Variants in C1QTNF9B observed in about 807,000 individuals in gnomAD.
C1QTNF9B encodes the protein complement C1q and tumor necrosis factor-related protein 9B.
Under a neutral mutation model 10.1 loss-of-function variants are expected in C1QTNF9B, and 9 were observed. That is an observed-to-expected ratio of 0.89 (90% CI 0.53 to 1.55). C1QTNF9B has a LOEUF of 1.55. Among genes scored for constraint, C1QTNF9B ranks in the 40% most tolerant of loss-of-function variants. The probability of loss-of-function intolerance (pLI) is 0.00; values close to 1 mark genes in which losing one functional copy is unlikely to be tolerated. For missense variants in C1QTNF9B, 196 were observed against 414.4 expected, an observed-to-expected ratio of 0.47 and a Z score of 4.58; for synonymous variants, 79 against 159.9, an observed-to-expected ratio of 0.49 and a Z score of 3.82.
At position 23,896,844 on chromosome 13, in the gene C1QTNF9B, G is replaced by T. The variant is rs144799910; in HGVS notation, c.143C>A (p.Ala48Glu). The change falls in exon 1 of 3, where the codon GCG becomes GAG. Residue 48 changes from alanine to glutamate, a missense_variant. This residue lies in a region of C1QTNF9B where 46 missense variants were observed against 64.5 expected (regional missense o/e 0.71). Coordinates refer to ENST00000382137, the Ensembl canonical transcript of C1QTNF9B. The stretch of plus-strand genomic sequence containing the variant: ...ACCTGCATCGCCTTTGTCACCCTTC[G>T]CTCCGTCTCGTCCATCTCTTCCAGG... 1.1e-4 allele frequency: 183 copies of T among 1,613,016 alleles called. No homozygotes were observed. The highest frequency in any genetic ancestry group is 1.5e-4 in the Non-Finnish European group (181 of 1,179,386).
At chr13:23,896,836 C>T (rs760422617) in exon 1 of C1QTNF9B, 1 of 1,612,760 alleles carries the variant, frequency 6.2e-7, no homozygotes, top group Non-Finnish European at 8.5e-7. Context: ...TCGCCTTTGT[C>T]ACCCTTCGCT....
At chr13:23,894,225 G>A (rs760859703) in intron 1 of C1QTNF9B, 24 bp from the exon 4 acceptor site, 1 of 1,464,612 alleles carries the variant, frequency 6.8e-7, no homozygotes, top group South Asian at 1.1e-5. Context: ...CAGAAAACAG[G>A]CATGAGTTGA....
rs867914998 is a variant in C1QTNF9B at position 23,896,639 on chromosome 13, C to T, written c.166+182G>A. On this transcript the variant is annotated intron_variant, in intron 1 of 2. Coordinates refer to ENST00000382137, the Ensembl canonical transcript of C1QTNF9B. ...ACAGAGTCTGGCATGGAGCAGACCCCGTGAGTGTTGCTGGGCAGATGGGTG... is the reference window on the plus strand; with the variant it reads ...ACAGAGTCTGGCATGGAGCAGACCCTGTGAGTGTTGCTGGGCAGATGGGTG... 3.0e-3 allele frequency among the ~76,000 whole-genome samples: 442 copies of T among 148,782 alleles called. 2 individuals carry two copies. The highest frequency in any genetic ancestry group is 9.9e-3 in the African/African-American group (403 of 40,542).
chr13:23,895,861 C>A (rs904774057), intron 1 of C1QTNF9B, among the ~76,000 whole-genome samples: 2 of 151,976 alleles, frequency 1.3e-5, no homozygotes, highest in Non-Finnish European at 2.9e-5. Context: ...TTGGACTGGG[C>A]TATTTGCTAC....
chr13:23,891,526 G>A (rs754525554), exon 3 of C1QTNF9B: 1 of 1,608,134 alleles, frequency 6.2e-7, no homozygotes, highest in Admixed American at 1.7e-5. Flanking sequence ...AGAAAACAGT[G>A]ATGTGGTAGG....
rs1221725632 is a variant in C1QTNF9B, at chr13:23,892,940, C to G, written c.230-879G>C. ...TCCCTGGAGTGAACATAAAATAAAG[C>G]CTGCATCGAGGCATTGCCCTCTCCT... On this transcript the variant is annotated intron_variant, in intron 2 of 2. Transcript: ENST00000382137. 2.0e-5 allele frequency among the ~76,000 whole-genome samples: 3 copies of G among 152,286 alleles called. No homozygotes were observed. In the South Asian group the frequency reaches 6.2e-4, roughly 32 times the overall value.
At chr13:23,896,588 C>A (rs1356589862) in intron 1 of C1QTNF9B, among the ~76,000 whole-genome samples, 2 of 152,104 alleles carry the variant, frequency 1.3e-5, no homozygotes, top group Non-Finnish European at 2.9e-5. Flanking sequence ...GGCGATCTGG[C>A]CCTGTGCTCT....
chr13:23,891,320 A>G, exon 3 of C1QTNF9B: 1 of 1,551,842 alleles, frequency 6.4e-7, no homozygotes, highest in Admixed American at 1.8e-5. Flanking sequence ...GAACCCTGTG[A>G]AAGTTGTGTC....
At chr13:23,894,059 G>T in intron 2 of C1QTNF9B, 80 bp downstream of exon 4, 1 of 1,371,880 alleles carries the variant, frequency 7.3e-7, no homozygotes, top group South Asian at 1.2e-5. Flanking sequence ...ATTATAATCA[G>T]CATGGAGGAC....
At chr13:23,893,669 T>C (rs1027426456) in intron 2 of C1QTNF9B, among the ~76,000 whole-genome samples, 2 of 152,176 alleles carry the variant, frequency 1.3e-5, no homozygotes, top group African/African-American at 4.8e-5. Context: ...AAAGTCTTAC[T>C]ATGTTGCCCA....
intron 2 of C1QTNF9B, among the ~76,000 whole-genome samples, chr13:23,892,561 G>A (rs1186068189): frequency 1.2e-4 from 18 of 152,144 alleles, no homozygotes; most frequent in Non-Finnish European, 7.4e-5. Flanking sequence ...AGGCTGAGGT[G>A]GGAGGATGGC....
At chr13:23,892,003 G>T (rs550639233) in exon 3 of C1QTNF9B, 2 of 1,613,904 alleles carry the variant, frequency 1.2e-6, no homozygotes, top group East Asian at 4.5e-5. Flanking sequence ...GTTTTCCTGG[G>T]GATCCTCTTG....
At chr13:23,895,837 G>C (rs552851737) in intron 1 of C1QTNF9B, among the ~76,000 whole-genome samples, 4 of 152,140 alleles carry the variant, frequency 2.6e-5, no homozygotes, top group African/African-American at 9.6e-5. Flanking sequence ...TAAGGGTAAG[G>C]TTTTAGTATT....
chr13:23,892,858 G>C (rs1162178140), intron 2 of C1QTNF9B, among the ~76,000 whole-genome samples: 3 of 152,158 alleles, frequency 2.0e-5, no homozygotes, highest in African/African-American at 7.2e-5. Flanking sequence ...CTGCAGAGCA[G>C]AGACAGACAG....
Position 23,894,041 on chromosome 13 carries a change from A to T in C1QTNF9B, c.229+98T>A, listed in dbSNP as rs1048760095. On this transcript the variant is annotated intron_variant, in intron 2 of 2. Coordinates refer to ENST00000382137, the Ensembl canonical transcript of C1QTNF9B. ...GGAGAGTAAGAACTGTGTTGCCTTT[A>T]TTATAAGATTATAATCAGCATGGAG... 7.9e-6 allele frequency: 11 copies of T among 1,394,732 alleles called. No individual in the cohort carries two copies. In the African/African-American group the frequency reaches 1.3e-4, roughly 16 times the overall value. The allele number at this position is 1,394,732 out of a possible 1,614,324, so 86.4% of individuals were successfully genotyped here. A position where few individuals can be genotyped will look rare whatever the true frequency, so the allele number is the denominator to read the frequency against.
chr13:23,892,231 G>C (rs1872029218), intron 2 of C1QTNF9B, 170 bp from the exon 5 acceptor site: 4 of 1,314,702 alleles, frequency 3.0e-6, no homozygotes, highest in Admixed American at 2.6e-5. Flanking sequence ...GCTCACACCT[G>C]TAATCCTAGC....
chr13:23,896,620 T>A (rs1872208016), intron 1 of C1QTNF9B, among the ~76,000 whole-genome samples: 1 of 151,746 alleles, frequency 6.6e-6, no homozygotes, highest in Non-Finnish European at 1.5e-5. Context: ...TGGCACAGAG[T>A]CTGGCATGGA....
chr13:23,892,886 C>T (rs1178428658), intron 2 of C1QTNF9B, among the ~76,000 whole-genome samples: 2 of 152,166 alleles, frequency 1.3e-5, no homozygotes, highest in Admixed American at 6.5e-5. Context: ...GACACTCAAC[C>T]CTAGTCGTGA....
intron 1 of C1QTNF9B, among the ~76,000 whole-genome samples, chr13:23,896,558 C>G (rs1872206119): frequency 6.6e-6 from 1 of 152,142 alleles, no homozygotes; most frequent in Admixed American, 6.5e-5. Context: ...GATGAGAGAA[C>G]CCAGGAGGGC....
Sources: allele counts gnomAD v4.1 joint callset (sites outside exome capture counted in the v4.1 genomes callset), GRCh38; gene constraint gnomAD v4.1.1; regional missense constraint gnomAD v4.1.1; transcripts MANE v1.5; gene names NCBI Gene and HGNC (gene_info 2026-07-23, HGNC 2026-07-21).